Variants in IDE observed in about 807,000 individuals in gnomAD.
The protein encoded by IDE is insulin degrading enzyme.
In IDE, 58 loss-of-function variants were observed where a neutral mutation model predicts 133.2. That is an observed-to-expected ratio of 0.44 (90% CI 0.35 to 0.54). IDE has a LOEUF of 0.54. IDE is among the 20% of genes least tolerant of loss of function. The pLI, the probability that IDE is intolerant of heterozygous loss-of-function variation, is 0.00. For synonymous variants in IDE, 396 were observed against 421.3 expected (o/e 0.94, Z 0.73); for missense variants, 981 against 1,234.0 (o/e 0.79, Z 3.07).
At chr10:92,537,903 C>T (rs1294071334) in intron 1 of IDE, among the ~76,000 whole-genome samples, 1 of 151,930 alleles carries the variant, frequency 6.6e-6, no homozygotes, top group African/African-American at 2.4e-5. Flanking sequence ...CTCAGTTTGT[C>T]ACCGAGGCTT....
chr10:92,461,974 A>C (rs1432372867), intron 21 of IDE, among the ~76,000 whole-genome samples: 1 of 150,918 alleles, frequency 6.6e-6, no homozygotes, highest in Non-Finnish European at 1.5e-5. Context: ...GTGCCTAGCC[A>C]AGCATCCACA....
chr10:92,537,866 T>C (rs1243930723), intron 1 of IDE, among the ~76,000 whole-genome samples: 1 of 151,994 alleles, frequency 6.6e-6, no homozygotes, highest in Non-Finnish European at 1.5e-5. Flanking sequence ...TTTTGCTGGT[T>C]TTGTTTTTGT....
intron 1 of IDE, chr10:92,554,775 A>G (rs1000583723): frequency 6.6e-6 from 1 of 152,160 alleles, no homozygotes; most frequent in African/African-American, 2.4e-5. Context: ...TGAACCTGGG[A>G]GGCAGAGGTT....
chr10:92,489,994 T>C (rs1443127443), intron 12 of IDE, among the ~76,000 whole-genome samples: 1 of 152,168 alleles, frequency 6.6e-6, no homozygotes, highest in Non-Finnish European at 1.5e-5. Context: ...TGGGACAAAA[T>C]ATTGTTTTAA....
Position 92,574,074 on chromosome 10 carries a change from C to A in IDE, c.-55G>T, listed in dbSNP as rs1843938232. 7.2e-7 allele frequency: 1 copy of A among 1,385,570 alleles called. No individual in the cohort carries two copies. The highest frequency in any genetic ancestry group is 9.7e-7 in the Non-Finnish European group (1 of 1,035,798). The allele number at this position is 1,385,570 out of a possible 1,614,324, so 85.8% of individuals were successfully genotyped here. On this transcript the variant is annotated 5_prime_UTR_variant, in exon 1 of 25. Transcript: ENST00000265986. The stretch of plus-strand genomic sequence containing the variant: ...AACGCTTCCTGCTTGCGCTTCGAGC[C>A]GGCCCTGCGCACTGCGCATGCTCTA...
At chr10:92,524,476 A>AATAT (rs1849485099) in intron 4 of IDE, among the ~76,000 whole-genome samples, 4 of 67,356 alleles carry the variant, frequency 5.9e-5, no homozygotes, top group Non-Finnish European at 7.8e-5. Context: ...TATAATATAT[A>AATAT]ATATATATTA....
intron 4 of IDE, among the ~76,000 whole-genome samples, chr10:92,526,674 T>C (rs973662996): frequency 6.6e-6 from 1 of 151,746 alleles, no homozygotes. Flanking sequence ...AGGGAGACCC[T>C]ATCTCTACAA....
At chr10:92,560,564 C>T (rs905606943) in intron 1 of IDE, among the ~76,000 whole-genome samples, 5 of 152,002 alleles carry the variant, frequency 3.3e-5, no homozygotes, top group African/African-American at 1.2e-4. Context: ...ACGTGGATCA[C>T]CTGAGGACAG....
chr10:92,456,537 G>A (rs1050408209), intron 22 of IDE, 106 bp from the exon 23 acceptor site: 2 of 821,690 alleles, frequency 2.4e-6, no homozygotes, highest in Non-Finnish European at 4.2e-6. Flanking sequence ...GTCAGATATA[G>A]AAAAGATGCT....
intron 5 of IDE, among the ~76,000 whole-genome samples, chr10:92,511,776 T>A (rs1453606087): frequency 6.6e-6 from 1 of 151,950 alleles, no homozygotes; most frequent in Non-Finnish European, 1.5e-5. Context: ...ATATGACAAG[T>A]GAATTTAGGA....
intron 1 of IDE, among the ~76,000 whole-genome samples, chr10:92,543,592 T>C (rs550654369): frequency 6.6e-6 from 1 of 152,314 alleles, no homozygotes; most frequent in Non-Finnish European, 1.5e-5. Context: ...CGTAACTCTA[T>C]GTCCTGGCCC....
At chr10:92,529,746 G>A (rs1849815967) in intron 4 of IDE, among the ~76,000 whole-genome samples, 1 of 152,108 alleles carries the variant, frequency 6.6e-6, no homozygotes, top group African/African-American at 2.4e-5. Context: ...GTGACCAGAA[G>A]TAACACTACT....
intron 11 of IDE, among the ~76,000 whole-genome samples, chr10:92,501,361 T>TCAAAAAAAAAAA (rs1564627755): frequency 3.2e-5 from 1 of 30,914 alleles, no homozygotes; most frequent in African/African-American, 1.9e-4. Context: ...GACTCTGTCA[T>TCAAAAAAAAAAA]TAAAAAAAAA....
At chr10:92,510,208 C>A in intron 5 of IDE, 46 bp from the exon 6 acceptor site, 1 of 978,216 alleles carries the variant, frequency 1.0e-6, no homozygotes, top group Non-Finnish European at 1.6e-6. Flanking sequence ...CGAATCATAA[C>A]ATCCAACAGG....
At chr10:92,476,170 A>G (rs1248038833) in intron 15 of IDE, among the ~76,000 whole-genome samples, 176 bp from the exon 16 acceptor site, 1 of 151,758 alleles carries the variant, frequency 6.6e-6, no homozygotes, top group Non-Finnish European at 1.5e-5. Flanking sequence ...GATAACATTA[A>G]CCATCTTTTT....
At chr10:92,492,087 C>T (rs1217113110) in intron 11 of IDE, among the ~76,000 whole-genome samples, 2 of 151,742 alleles carry the variant, frequency 1.3e-5, no homozygotes, top group Non-Finnish European at 2.9e-5. Context: ...GGTGAAATCC[C>T]GTCTCTACTA....
intron 1 of IDE, among the ~76,000 whole-genome samples, chr10:92,540,336 T>C (rs1842236542): frequency 6.6e-6 from 1 of 152,156 alleles, no homozygotes; most frequent in South Asian, 2.1e-4. Flanking sequence ...GTGTACACAG[T>C]TTGTTTCAAA....
intron 1 of IDE, among the ~76,000 whole-genome samples, chr10:92,563,470 A>G (rs74663614): frequency 1.3e-5 from 2 of 151,258 alleles, no homozygotes; most frequent in Non-Finnish European, 2.9e-5. Context: ...AAAAAAAAAA[A>G]GGCTGGGCAT....
intron 1 of IDE, among the ~76,000 whole-genome samples, chr10:92,543,381 C>T (rs1032269466): frequency 6.6e-6 from 1 of 152,052 alleles, no homozygotes; most frequent in African/African-American, 2.4e-5. Flanking sequence ...GACCATATAC[C>T]CCAAGTACTA....
Sources: gnomAD v4.1 joint callset for allele counts (sites outside exome capture counted in the v4.1 genomes callset) on GRCh38, gnomAD v4.1.1 for gene constraint, MANE v1.5 for transcripts, NCBI Gene and HGNC (gene_info 2026-07-23, HGNC 2026-07-21) for gene names.